MCUB: variants seen among roughly 807,000 people sequenced by gnomAD.
MCUB encodes calcium uniporter regulatory subunit MCUb, mitochondrial.
A neutral mutation model predicts 41.4 loss-of-function variants in MCUB; 46 were observed. That is an observed-to-expected ratio of 1.11 (90% CI 0.88 to 1.42). The LOEUF (loss-of-function observed/expected upper bound fraction) is 1.42, where lower values mean the gene tolerates loss of function less well. MCUB is among the 40% of genes most tolerant of loss of function. MCUB has a pLI of 0.00. For synonymous variants in MCUB, 148 were observed against 148.2 expected (o/e 1.00, Z 0.01); for missense variants, 403 against 404.9 (o/e 1.00, Z 0.04).
chr4:109,685,313 G>A lies in MCUB; in HGVS notation c.879G>A (p.Lys293=), dbSNP rs1161580634. The A allele has an allele frequency of 2.5e-6, 4 of 1,594,414 alleles. No homozygotes were observed. The African/African-American group carries it at 4.0e-5, about 16-fold the overall frequency. The change falls in exon 7 of 8, where the codon AAG becomes AAA. Residue 293 remains lysine (K), a synonymous_variant. Coordinates refer to ENST00000394650, the MANE Select transcript of MCUB (RefSeq NM_017918.5). ...TTCAGTTCTTCCACAAGAAATCAAA[G>A]CAACAGCACTTTGATGTGCAGCAAT... The part of the protein sequence containing the change: ...QFLQFFHKKS[K]QQHFDVQQYN...
At chr4:109,638,662 T>C (rs1579077300) in intron 1 of MCUB, among the ~76,000 whole-genome samples, 1 of 152,178 alleles carries the variant, frequency 6.6e-6, no homozygotes, top group East Asian at 1.9e-4. Flanking sequence ...CTCTGTAGCA[T>C]GTGATATTAT....
At chr4:109,667,736 G>T (rs1729373972) in intron 4 of MCUB, among the ~76,000 whole-genome samples, 1 of 150,662 alleles carries the variant, frequency 6.6e-6, no homozygotes, top group Non-Finnish European at 1.5e-5. Context: ...GTTTCTTAAA[G>T]TATAAGTTCA....
At chr4:109,626,819 C>T (rs1728369524) in intron 1 of MCUB, among the ~76,000 whole-genome samples, 2 of 84,318 alleles carry the variant, frequency 2.4e-5, no homozygotes, top group South Asian at 5.7e-4. Context: ...GAGAGTCCGA[C>T]TCAAAAAAAA....
intron 4 of MCUB, among the ~76,000 whole-genome samples, chr4:109,673,364 C>T (rs544658511): frequency 2.0e-5 from 3 of 152,176 alleles, no homozygotes; most frequent in Non-Finnish European, 4.4e-5. Flanking sequence ...GCACAACCTC[C>T]GCACTCCTGC....
intron 1 of MCUB, among the ~76,000 whole-genome samples, chr4:109,602,381 C>T (rs531052429): frequency 6.6e-6 from 1 of 152,266 alleles, no homozygotes; most frequent in East Asian, 1.9e-4. Flanking sequence ...TTTTATTTGA[C>T]TTCTGTAAAC....
intron 1 of MCUB, among the ~76,000 whole-genome samples, chr4:109,606,565 A>AATGGGT (rs1561225438): frequency 6.6e-6 from 1 of 151,970 alleles, no homozygotes; most frequent in Non-Finnish European, 1.5e-5. Flanking sequence ...AGGCTTGCAA[A>AATGGGT]TACTATCTTA....
chr4:109,656,001 C>A (rs951940077), intron 1 of MCUB, among the ~76,000 whole-genome samples: 3 of 152,146 alleles, frequency 2.0e-5, no homozygotes, highest in Non-Finnish European at 4.4e-5. Flanking sequence ...GGCCACTCTG[C>A]CTTCTTTCAG....
chr4:109,583,558 T>C (rs777037499), intron 1 of MCUB, among the ~76,000 whole-genome samples: 4 of 152,216 alleles, frequency 2.6e-5, no homozygotes, highest in African/African-American at 7.2e-5. Flanking sequence ...CTTTATTTCT[T>C]TCTCTTGCCT....
At chr4:109,568,330 G>A (rs1386038970) in intron 1 of MCUB, among the ~76,000 whole-genome samples, 2 of 152,132 alleles carry the variant, frequency 1.3e-5, no homozygotes, top group Non-Finnish European at 2.9e-5. Context: ...AGGTAAGCAA[G>A]CCTTAAAACA....
intron 1 of MCUB, among the ~76,000 whole-genome samples, chr4:109,594,695 C>T (rs1561220555): frequency 6.6e-6 from 1 of 150,810 alleles, no homozygotes; most frequent in African/African-American, 2.4e-5. Context: ...CCTCAATAAT[C>T]CCTGGAGAGA....
intron 1 of MCUB, among the ~76,000 whole-genome samples, chr4:109,613,249 A>G (rs1164988927): frequency 2.0e-5 from 3 of 152,232 alleles, no homozygotes; most frequent in African/African-American, 7.2e-5. Flanking sequence ...ATTATCTACT[A>G]TTGCTATCTA....
chr4:109,597,343 C>T (rs1217168972), intron 1 of MCUB, among the ~76,000 whole-genome samples: 5 of 147,798 alleles, frequency 3.4e-5, no homozygotes, highest in African/African-American at 5.0e-5. Context: ...CCAGACGGGG[C>T]GGCTGGCCGG....
chr4:109,601,802 G>A (rs1206589462), intron 1 of MCUB, among the ~76,000 whole-genome samples: 6 of 152,068 alleles, frequency 3.9e-5, no homozygotes, highest in Non-Finnish European at 7.4e-5. Flanking sequence ...AGTTTTCTGA[G>A]GAACCTCCAA....
At chr4:109,615,568 C>T (rs6825743) in intron 1 of MCUB, among the ~76,000 whole-genome samples, 37,250 of 151,746 alleles carry the variant, frequency 0.25, 4,778 homozygotes, top group South Asian at 0.27. Flanking sequence ...CACCTACGCC[C>T]GGCTAATTTT....
intron 1 of MCUB, among the ~76,000 whole-genome samples, chr4:109,629,434 C>A (rs1323361818): frequency 6.6e-6 from 1 of 152,204 alleles, no homozygotes; most frequent in African/African-American, 2.4e-5. Flanking sequence ...TTTCTCACCA[C>A]CAGCCATCAA....
At chr4:109,651,872 A>AT (rs1225896933) in intron 1 of MCUB, among the ~76,000 whole-genome samples, 1 of 151,694 alleles carries the variant, frequency 6.6e-6, no homozygotes, top group Non-Finnish European at 1.5e-5. Context: ...GGGCTCCAAC[A>AT]TTTTTTTCTG....
In MCUB at chr4:109,634,766, A is replaced by G. The variant is rs193001271; in HGVS notation, c.100-24245A>G. ...TTATTAAATTATTTTAGGCAGATAG[A>G]AAGGAAAAGGGGTCCTTGGACATTT... is the stretch of plus-strand genomic sequence containing the variant. On this transcript the variant is annotated intron_variant, in intron 1 of 7. Coordinates refer to ENST00000394650, the MANE Select transcript of MCUB (RefSeq NM_017918.5). 8.9e-4 allele frequency among the ~76,000 whole-genome samples: 136 copies of G among 152,308 alleles called. 1 individual carries two copies. Among genetic ancestry groups the G allele is most frequent in the Non-Finnish European group, 1.8e-3 (121 of 68,024 alleles).
intron 4 of MCUB, among the ~76,000 whole-genome samples, chr4:109,669,944 T>C (rs1393865123): frequency 6.6e-6 from 1 of 152,232 alleles, no homozygotes; most frequent in Non-Finnish European, 1.5e-5. Context: ...TTCTAGTAGA[T>C]TCCTTAGCAT....
At chr4:109,668,885 A>G (rs1729398629) in intron 4 of MCUB, among the ~76,000 whole-genome samples, 1 of 152,042 alleles carries the variant, frequency 6.6e-6, no homozygotes, top group Admixed American at 6.6e-5. Flanking sequence ...ATAACATTAT[A>G]TTGCTTCACG....
Sources: allele counts gnomAD v4.1 joint callset (sites outside exome capture counted in the v4.1 genomes callset), GRCh38; gene constraint gnomAD v4.1.1; transcripts MANE v1.5; gene names NCBI Gene and HGNC (gene_info 2026-07-23, HGNC 2026-07-21).